The following PCDHGC3 variants were observed in gnomAD, a reference collection of about 807,000 sequenced individuals.
The protein encoded by PCDHGC3 is protocadherin gamma subfamily C, 3.
A neutral mutation model predicts 59.2 loss-of-function variants in PCDHGC3; 26 were observed. The ratio of observed to expected loss-of-function variants is 0.44; its 90% CI spans 0.32 to 0.61. PCDHGC3 has a LOEUF of 0.61. Ranked by LOEUF, PCDHGC3 falls within the 20% of genes least tolerant of loss-of-function variation. The pLI is 0.05. For synonymous variants in PCDHGC3, 487 were observed against 519.7 expected, an observed-to-expected ratio of 0.94 and a Z score of 0.86; for missense variants, 1,080 against 1,221.8, an observed-to-expected ratio of 0.88 and a Z score of 1.73.
rs762408704 is a variant in PCDHGC3 at position 141,486,335 on chromosome 5, C to G, written c.2430+7789C>G. 6.2e-7 allele frequency: 1 copy of G among 1,613,936 alleles called. No individual in the cohort carries two copies. The highest frequency in any genetic ancestry group is 8.5e-7 in the Non-Finnish European group (1 of 1,180,002). ...AGGGTCAAACGGAGATGTGAGCCTC[C>G]GCATTCCTGACCACTTGCCATTTGC... On this transcript the variant is annotated intron_variant, in intron 1 of 3. Transcript: ENST00000308177. This position sits in a 1 kb window ranked among gnomAD's most constrained non-coding sequence, Gnocchi z 5.0.
intron 1 of PCDHGC3, chr5:141,478,786 C>T: frequency 6.8e-7 from 1 of 1,480,998 alleles, no homozygotes; most frequent in Non-Finnish European, 9.0e-7. Context: ...ACCTAATTCA[C>T]ATCCTCAGCA....
Position 141,493,876 on chromosome 5 carries a change from G to T in PCDHGC3, c.2431-931G>T, listed in dbSNP as rs2099750541. 6.6e-6 allele frequency among the ~76,000 whole-genome samples: 1 copy of T among 152,194 alleles called. No homozygotes were observed. ...CAGCCCACCCCAGAACCAGTGAGGA[G>T]GTGGCTCTAGGAGTGCTCCATGAGA... On this transcript the variant is annotated intron_variant, in intron 1 of 3. Transcript: ENST00000308177. The surrounding 1 kb of genome is among the most constrained non-coding windows in gnomAD (Gnocchi z 4.3).
chr5:141,491,047 G>A lies in PCDHGC3; in HGVS notation c.2431-3760G>A, dbSNP rs751761240. On this transcript the variant is annotated intron_variant, in intron 1 of 3. Coordinates refer to ENST00000308177, the MANE Select transcript of PCDHGC3 (RefSeq NM_002588.4). The surrounding 1 kb of genome is among the most constrained non-coding windows in gnomAD (Gnocchi z 6.9). Reference sequence around the variant, plus strand: ...CGTGGATGCTGATGCAGGCCACAATGCGTGGCTCTCCTACTCACTGTTGCC... The same window carrying A: ...CGTGGATGCTGATGCAGGCCACAATACGTGGCTCTCCTACTCACTGTTGCC... 4 of 1,614,054 alleles carry A rather than the reference G, an allele frequency of 2.5e-6. No homozygotes were observed. Among genetic ancestry groups the A allele is most frequent in the Non-Finnish European group, 3.4e-6 (4 of 1,180,034 alleles).
At chr5:141,479,975 C>A (rs1459297521) in intron 1 of PCDHGC3, among the ~76,000 whole-genome samples, 1 of 152,186 alleles carries the variant, frequency 6.6e-6, no homozygotes, top group East Asian at 1.9e-4. Context: ...TGAGGTTCTA[C>A]CATTTACCAA....
chr5:141,476,029 A>G lies in PCDHGC3; in HGVS notation c.-88A>G, dbSNP rs975943706. The G allele has an allele frequency of 2.3e-5, 34 of 1,455,312 alleles. No homozygotes were observed. The highest frequency in any genetic ancestry group is 1.1e-4 in the African/African-American group (8 of 70,728). 90.1% of individuals were successfully genotyped at this position (1,455,312 alleles called of 1,614,324 possible). A position where few individuals can be genotyped will look rare whatever the true frequency, so the allele number is the denominator to read the frequency against. On this transcript the variant is annotated 5_prime_UTR_variant, in exon 1 of 4. Transcript: ENST00000308177. The surrounding 1 kb of genome is among the most constrained non-coding windows in gnomAD (Gnocchi z 7.6). The stretch of plus-strand genomic sequence containing the variant: ...GAAAGCCATGTCGGACTCGGCGCCC[A>G]GCGCCCAAGCGCTAACCCGCTGAAA...
In PCDHGC3 at chr5:141,477,244, G is replaced by T. The variant is rs367944211; in HGVS notation, c.1128G>T (p.Val376=). The change falls in exon 1 of 4, where the codon GTG becomes GTT. Residue 376 remains valine (V), a synonymous_variant. Coordinates refer to ENST00000308177, the MANE Select transcript of PCDHGC3 (RefSeq NM_002588.4). The surrounding 1 kb of genome is among the most constrained non-coding windows in gnomAD (Gnocchi z 4.9). ...GGACTGTCATCGCTTTGCTCAGTGT[G>T]ACTGACCTGGATGCTGGCGAGAACG... The part of the protein sequence containing the change: ...PLGTVIALLS[V]TDLDAGENGL... 9 of 1,614,190 alleles carry T rather than the reference G, an allele frequency of 5.6e-6. No homozygotes were observed. Among genetic ancestry groups the T allele is most frequent in the Non-Finnish European group, 7.6e-6 (9 of 1,180,052 alleles).
chr5:141,489,101 T>G lies in PCDHGC3; in HGVS notation c.2431-5706T>G. 1 of 398,408 alleles carries G rather than the reference T, an allele frequency of 2.5e-6. No homozygotes were observed. Among genetic ancestry groups the G allele is most frequent in the Non-Finnish European group, 4.5e-6 (1 of 223,328 alleles). The allele number at this position is 398,408 out of a possible 1,614,324, so 24.7% of individuals were successfully genotyped here. On this transcript the variant is annotated intron_variant, in intron 1 of 3. Transcript: ENST00000308177. The surrounding 1 kb of genome is among the most constrained non-coding windows in gnomAD (Gnocchi z 4.5). Reference sequence around the variant, plus strand: ...CCGCCACTCGGTGACTAAGAACTGCTGCAAGCAGGCAAACCTCCGAGCAGT... The same window carrying G: ...CCGCCACTCGGTGACTAAGAACTGCGGCAAGCAGGCAAACCTCCGAGCAGT...
At chr5:141,504,113 C>A (rs568207803) in intron 2 of PCDHGC3, among the ~76,000 whole-genome samples, 1 of 152,220 alleles carries the variant, frequency 6.6e-6, no homozygotes, top group Non-Finnish European at 1.5e-5. Flanking sequence ...TGTGTGTGTG[C>A]CAGGGCTGTT....
At position 141,489,590 on chromosome 5, in the gene PCDHGC3, T is replaced by C; in HGVS notation, c.2431-5217T>C. The C allele has an allele frequency of 6.2e-7, 1 of 1,614,044 alleles. No homozygotes were observed. Among genetic ancestry groups the C allele is most frequent in the Non-Finnish European group, 8.5e-7 (1 of 1,179,984 alleles). ...GTGACTGAACACCCCCTGGAGCTAA[T>C]CCGTGTAGAGGTAGAGATCCTGGAT... On this transcript the variant is annotated intron_variant, in intron 1 of 3. Transcript: ENST00000308177. The surrounding 1 kb of genome is among the most constrained non-coding windows in gnomAD (Gnocchi z 4.5).
In PCDHGC3 at chr5:141,512,394, C is replaced by A. The variant is rs750967336; in HGVS notation, c.*1221C>A. 1 of 152,706 alleles carries A rather than the reference C, an allele frequency of 6.5e-6. No homozygotes were observed. The highest frequency in any genetic ancestry group is 1.5e-5 in the Non-Finnish European group (1 of 68,084). The allele number at this position is 152,706 out of a possible 1,614,324, so 9.5% of individuals were successfully genotyped here. ...GACCAAATGAACAGAAAGTCTCAGC[C>A]CAGGATGGGGCTTCTTCAACAGGGC... is the stretch of plus-strand genomic sequence containing the variant. On this transcript the variant is annotated 3_prime_UTR_variant, in exon 4 of 4. Transcript: ENST00000308177.
intron 1 of PCDHGC3, among the ~76,000 whole-genome samples, chr5:141,484,202 T>C (rs2099593138): frequency 6.6e-6 from 1 of 152,214 alleles, no homozygotes; most frequent in Non-Finnish European, 1.5e-5. Context: ...ATTAAATCTA[T>C]GAACATTAGC....
chr5:141,503,045 G>A (rs543484478), intron 2 of PCDHGC3, among the ~76,000 whole-genome samples: 1 of 151,702 alleles, frequency 6.6e-6, no homozygotes, highest in South Asian at 2.1e-4. Context: ...AGTTGAGACA[G>A]GGTTTCACCA....
chr5:141,487,593 C>G lies in PCDHGC3; in HGVS notation c.2431-7214C>G. The G allele has an allele frequency of 6.2e-7, 1 of 1,614,206 alleles. No homozygotes were observed. Among genetic ancestry groups the G allele is most frequent in the African/African-American group, 1.3e-5 (1 of 75,062 alleles). On this transcript the variant is annotated intron_variant, in intron 1 of 3. Coordinates refer to ENST00000308177, the MANE Select transcript of PCDHGC3 (RefSeq NM_002588.4). This position sits in a 1 kb window ranked among gnomAD's most constrained non-coding sequence, Gnocchi z 5.0. ...CCTGTTCGCCCAAGCTGCCCACCCT[C>G]TGATCTTCTCTATGGGCTAGAGGTG...
chr5:141,500,645 A>C (rs2099801792), intron 2 of PCDHGC3, among the ~76,000 whole-genome samples: 1 of 152,228 alleles, frequency 6.6e-6, no homozygotes, highest in African/African-American at 2.4e-5. Flanking sequence ...GTTTTTTAAA[A>C]ATAGCAACTG....
At chr5:141,496,289 G>A (rs1347634489) in intron 2 of PCDHGC3, among the ~76,000 whole-genome samples, 3 of 152,224 alleles carry the variant, frequency 2.0e-5, no homozygotes, top group Non-Finnish European at 4.4e-5. Flanking sequence ...GGTCTGAGCA[G>A]AGTGGGATAG....
intron 3 of PCDHGC3, chr5:141,508,128 T>C (rs1490298338): frequency 6.6e-6 from 1 of 151,706 alleles, no homozygotes; most frequent in African/African-American, 2.4e-5. Context: ...CAGAGGGAGG[T>C]CAGGGAGCTG....
chr5:141,498,509 C>T (rs2099784058), intron 2 of PCDHGC3, among the ~76,000 whole-genome samples: 1 of 151,740 alleles, frequency 6.6e-6, no homozygotes, highest in East Asian at 1.9e-4. Flanking sequence ...TCCCTCCCCA[C>T]CATCTTGCCC....
chr5:141,508,741 C>G (rs2099871426), intron 3 of PCDHGC3, among the ~76,000 whole-genome samples: 1 of 152,042 alleles, frequency 6.6e-6, no homozygotes, highest in Non-Finnish European at 1.5e-5. Context: ...ACCCCCCACC[C>G]CGCTCTTTCT....
At position 141,477,572 on chromosome 5, in the gene PCDHGC3, G is replaced by A. The variant is rs375416133; in HGVS notation, c.1456G>A (p.Ala486Thr). The A allele has an allele frequency of 6.2e-7, 1 of 1,614,112 alleles. No homozygotes were observed. The highest frequency in any genetic ancestry group is 8.5e-7 in the Non-Finnish European group (1 of 1,180,030). Residue 486 changes from alanine to threonine, a missense_variant, in exon 1 of 4, where the codon GCC (alanine) becomes ACC (threonine). By Grantham distance (58) the Ala-to-Thr change is moderately conservative. Coordinates refer to ENST00000308177, the MANE Select transcript of PCDHGC3 (RefSeq NM_002588.4). This position sits in a 1 kb window ranked among gnomAD's most constrained non-coding sequence, Gnocchi z 4.9. Reference protein sequence around the residue: ...ILNLSVWDPDAPQNARLSFFL... With the variant: ...ILNLSVWDPDTPQNARLSFFL... ...AAACCTAAGTGTCTGGGACCCCGAC[G>A]CCCCGCAGAATGCTCGGCTTTCTTT...
Sources: gnomAD v4.1 joint callset for allele counts (sites outside exome capture counted in the v4.1 genomes callset) on GRCh38, gnomAD v4.1.1 for gene constraint, Gnocchi (gnomAD v3.1) non-coding constraint, MANE v1.5 for transcripts, NCBI Gene and HGNC (gene_info 2026-07-23, HGNC 2026-07-21) for gene names.